Variants in BIN3 observed in about 807,000 individuals in gnomAD.
BIN3 encodes bridging integrator 3.
A neutral mutation model predicts 38.2 loss-of-function variants in BIN3; 41 were observed. That is an observed-to-expected ratio of 1.07 (90% CI 0.84 to 1.39). BIN3 has a LOEUF of 1.39. Among genes scored for constraint, BIN3 ranks in the 40% most tolerant of loss-of-function variants. BIN3 has a pLI of 0.00. For synonymous variants in BIN3, 145 were observed against 122.6 expected, an observed-to-expected ratio of 1.18 and a Z score of -1.21; for missense variants, 361 against 324.3, an observed-to-expected ratio of 1.11 and a Z score of -0.87.
At chr8:22,657,528 G>A (rs189201514) in intron 1 of BIN3, among the ~76,000 whole-genome samples, 1 of 152,352 alleles carries the variant, frequency 6.6e-6, no homozygotes, top group Admixed American at 6.5e-5. Context: ...ATACTTTACA[G>A]AGCCCAAGAG....
chr8:22,637,007 G>C, intron 2 of BIN3, 45 bp from the exon 3 acceptor site: 1 of 1,590,530 alleles, frequency 6.3e-7, no homozygotes, highest in Non-Finnish European at 8.6e-7. Context: ...ATGACAACAC[G>C]GTGGAAAAAA....
At chr8:22,634,453 C>T (rs1011352205) in intron 4 of BIN3, 50 of 456,052 alleles carry the variant, frequency 1.1e-4, no homozygotes, top group African/African-American at 8.6e-4. Flanking sequence ...AGGGAAGGAA[C>T]GCTTTCCTTT....
chr8:22,629,706 C>T (rs992904730), intron 6 of BIN3: 9 of 561,258 alleles, frequency 1.6e-5, no homozygotes, highest in East Asian at 8.8e-5. Flanking sequence ...ACCAGAACAG[C>T]GGCGGTTGCT....
chr8:22,629,598 G>A (rs965848985), intron 6 of BIN3: 2 of 286,724 alleles, frequency 7.0e-6, no homozygotes, highest in Admixed American at 4.4e-5. Flanking sequence ...GAAAGGCCTT[G>A]CTCATGTCCG....
chr8:22,652,224 C>T (rs944026508), intron 1 of BIN3, among the ~76,000 whole-genome samples: 2 of 151,930 alleles, frequency 1.3e-5, no homozygotes, highest in Admixed American at 6.6e-5. Context: ...AAGTGCTTTC[C>T]TTGGATGTGT....
Position 22,621,270 on chromosome 8 carries a change from C to T in BIN3, c.*152G>A. 1.9e-6 allele frequency: 2 copies of T among 1,069,734 alleles called. No individual in the cohort carries two copies. Among genetic ancestry groups the T allele is most frequent in the South Asian group, 1.6e-5 (1 of 61,160 alleles). 66.3% of individuals were successfully genotyped at this position (1,069,734 alleles called of 1,614,324 possible). ...GCGGCCTGCCTAGGGCTCCTGGTGC[C>T]AGGCTCAGGAAGAGTCATTCATTGC... On this transcript the variant is annotated 3_prime_UTR_variant, in exon 9 of 9. Coordinates refer to ENST00000276416, the MANE Select transcript of BIN3 (RefSeq NM_018688.6).
At chr8:22,659,970 T>C (rs1232335539) in intron 1 of BIN3, among the ~76,000 whole-genome samples, 1 of 152,178 alleles carries the variant, frequency 6.6e-6, no homozygotes, top group Non-Finnish European at 1.5e-5. Context: ...AGAGATTAAG[T>C]ATACTCACCC....
At chr8:22,640,340 C>T (rs1217831946) in intron 2 of BIN3, among the ~76,000 whole-genome samples, 4 of 150,286 alleles carry the variant, frequency 2.7e-5, no homozygotes, top group South Asian at 4.3e-4. Context: ...CCACCACACC[C>T]GGCTAATTTT....
chr8:22,642,018 C>G (rs1802579302), intron 2 of BIN3, among the ~76,000 whole-genome samples: 2 of 152,200 alleles, frequency 1.3e-5, no homozygotes, highest in Non-Finnish European at 2.9e-5. Flanking sequence ...ACAAGCCATT[C>G]TAGCCAAAGC....
intron 1 of BIN3, among the ~76,000 whole-genome samples, chr8:22,645,557 AAAGGG>A (rs1563968839): frequency 4.2e-5 from 6 of 144,354 alleles, no homozygotes. Context: ...AAAGGAAAGG[AAAGGG>A]GAAGAGAGGA....
At chr8:22,650,265 T>G (rs1802849113) in intron 1 of BIN3, among the ~76,000 whole-genome samples, 1 of 152,226 alleles carries the variant, frequency 6.6e-6, no homozygotes, top group Admixed American at 6.5e-5. Context: ...ATTGAAACAT[T>G]TAACATTTTT....
intron 1 of BIN3, among the ~76,000 whole-genome samples, chr8:22,658,783 G>C (rs1413741464): frequency 6.6e-6 from 1 of 152,208 alleles, no homozygotes; most frequent in African/African-American, 2.4e-5. Context: ...CACAGTTTTG[G>C]GGGCGAGGGA....
chr8:22,630,329 G>C, intron 5 of BIN3, 113 bp downstream of exon 5: 1 of 1,440,762 alleles, frequency 6.9e-7, no homozygotes, highest in Non-Finnish European at 9.5e-7. Flanking sequence ...AGGCCAGAGG[G>C]CTTAGAGCCC....
intron 2 of BIN3, among the ~76,000 whole-genome samples, chr8:22,643,108 AC>A (rs1802613823): frequency 6.6e-6 from 1 of 152,148 alleles, no homozygotes; most frequent in African/African-American, 2.4e-5. Context: ...GAATAAAAGA[AC>A]CCTCTTGAAA....
chr8:22,669,109 C>A lies in BIN3; in HGVS notation c.-58G>T. 1.3e-6 allele frequency: 2 copies of A among 1,565,820 alleles called. No individual in the cohort carries two copies. Among genetic ancestry groups the A allele is most frequent in the Non-Finnish European group, 1.7e-6 (2 of 1,154,744 alleles). ...CAGCCACAACTCGTTTCTCTAGGGTCACTTCCGGATTCAACCAGTCTCCAG... is the reference window on the plus strand; with the variant it reads ...CAGCCACAACTCGTTTCTCTAGGGTAACTTCCGGATTCAACCAGTCTCCAG... On this transcript the variant is annotated 5_prime_UTR_variant, in exon 1 of 9. Coordinates refer to ENST00000276416, the MANE Select transcript of BIN3 (RefSeq NM_018688.6).
At chr8:22,637,103 C>T (rs1421487413) in intron 2 of BIN3, 141 bp from the exon 3 acceptor site, 15 of 731,002 alleles carry the variant, frequency 2.1e-5, no homozygotes, top group Non-Finnish European at 3.4e-5. Context: ...ACCGACAGAT[C>T]GCTCCTGACA....
At chr8:22,659,920 G>A (rs916243132) in intron 1 of BIN3, among the ~76,000 whole-genome samples, 2 of 152,144 alleles carry the variant, frequency 1.3e-5, no homozygotes, top group South Asian at 2.1e-4. Flanking sequence ...TGATGACGAC[G>A]ACCAACCAGG....
intron 6 of BIN3, among the ~76,000 whole-genome samples, chr8:22,627,739 T>C (rs1415426937): frequency 6.6e-6 from 1 of 152,246 alleles, no homozygotes; most frequent in Non-Finnish European, 1.5e-5. Context: ...AGAAGTCAGT[T>C]TGGCTTTCTC....
At chr8:22,624,984 C>T (rs1362039043) in intron 6 of BIN3, 1 of 307,956 alleles carries the variant, frequency 3.2e-6, no homozygotes, top group East Asian at 5.6e-5. Flanking sequence ...TGCCCCAGGG[C>T]ACCTTCTCCT....
Sources: gnomAD v4.1 joint callset for allele counts (sites outside exome capture counted in the v4.1 genomes callset) on GRCh38, gnomAD v4.1.1 for gene constraint, MANE v1.5 for transcripts, NCBI Gene and HGNC (gene_info 2026-07-23, HGNC 2026-07-21) for gene names.